MARCHF1: variants seen among roughly 807,000 people sequenced by gnomAD.
MARCHF1 encodes the protein membrane associated ring-CH-type finger 1.
A neutral mutation model predicts 54.2 loss-of-function variants in MARCHF1; 40 were observed. The observed-to-expected ratio is 0.74, with a 90% CI of 0.57 to 0.96. MARCHF1 has a LOEUF of 0.96. Ranked by LOEUF, MARCHF1 falls within the 40% of genes least tolerant of loss-of-function variation. The probability of loss-of-function intolerance (pLI) is 0.00; values close to 1 mark genes in which losing one functional copy is unlikely to be tolerated. For synonymous variants in MARCHF1, 236 were observed against 236.3 expected (o/e 1.00, Z 0.01); for missense variants, 586 against 656.5 (o/e 0.89, Z 1.17).
intron 3 of MARCHF1, among the ~76,000 whole-genome samples, chr4:163,955,349 A>G (rs1265836203): frequency 4.0e-5 from 3 of 75,628 alleles, no homozygotes; most frequent in African/African-American, 1.9e-4. Context: ...CTTTGAGGGA[A>G]AAAAAAAACA....
chr4:163,919,348 G>T (rs1216445717), intron 3 of MARCHF1, among the ~76,000 whole-genome samples: 2 of 151,728 alleles, frequency 1.3e-5, no homozygotes, highest in African/African-American at 4.8e-5. Context: ...ACAGGAAAAT[G>T]AATACAAATA....
intron 5 of MARCHF1, among the ~76,000 whole-genome samples, chr4:163,678,221 A>G (rs1030035274): frequency 2.6e-5 from 4 of 152,138 alleles, no homozygotes; most frequent in African/African-American, 7.2e-5. Context: ...CTTCATTTTG[A>G]TTATGATGAC....
At chr4:163,636,483 C>T (rs1386274409) in intron 5 of MARCHF1, among the ~76,000 whole-genome samples, 1 of 147,436 alleles carries the variant, frequency 6.8e-6, no homozygotes, top group Admixed American at 6.8e-5. Flanking sequence ...CATGAGTGAA[C>T]TCCCATTCAC....
chr4:164,036,110 AAAAAAACAAAAAAC>A (rs1193627895), intron 2 of MARCHF1, among the ~76,000 whole-genome samples: 3 of 136,904 alleles, frequency 2.2e-5, no homozygotes, highest in African/African-American at 6.1e-5. Context: ...CTCAAAAAAA[AAAAAAACAAAAAAC>A]AAAAAACAAA....
chr4:164,011,615 A>T (rs553290679), intron 2 of MARCHF1, among the ~76,000 whole-genome samples: 72 of 152,348 alleles, frequency 4.7e-4, no homozygotes, highest in Non-Finnish European at 8.5e-4. Context: ...TCAAAGAAAC[A>T]GTTAATAACA....
At chr4:163,951,838 A>C (rs1437517647) in intron 3 of MARCHF1, among the ~76,000 whole-genome samples, 2 of 152,190 alleles carry the variant, frequency 1.3e-5, no homozygotes, top group East Asian at 1.9e-4. Flanking sequence ...TAAGCTATAT[A>C]TGAAGGTACC....
At chr4:163,738,545 G>A (rs145356643) in intron 4 of MARCHF1, among the ~76,000 whole-genome samples, 37 of 152,262 alleles carry the variant, frequency 2.4e-4, no homozygotes, top group African/African-American at 8.7e-4. Context: ...CAGCCACCTG[G>A]TACATTCATA....
At position 163,844,450 on chromosome 4, in the gene MARCHF1, G is replaced by T. The variant is rs140617152; in HGVS notation, c.111+9571C>A. Among the ~76,000 whole-genome samples the T allele has an allele frequency of 2.5e-3, 385 of 152,080 alleles. 2 individuals carry two copies. The highest frequency in any genetic ancestry group is 8.7e-3 in the African/African-American group (363 of 41,498). ...AATTTGCTCCCACTGAACAATTTTT[G>T]TTTTTGTTGCAACTGCTTTTTGGGA... On this transcript the variant is annotated intron_variant, in intron 4 of 9. Transcript: ENST00000514618.
chr4:163,538,140 C>A (rs1053073347), intron 9 of MARCHF1, among the ~76,000 whole-genome samples: 1 of 152,014 alleles, frequency 6.6e-6, no homozygotes, highest in Non-Finnish European at 1.5e-5. Flanking sequence ...ATTTAAAGAG[C>A]GAGTGAAAAC....
Position 163,733,207 on chromosome 4 carries a change from A to G in MARCHF1, c.112-32344T>C, listed in dbSNP as rs1345314932. Among the ~76,000 whole-genome samples the G allele has an allele frequency of 1.3e-3, 25 of 19,226 alleles. 1 individual carries two copies. The East Asian group carries it at 0.014, about 10-fold the overall frequency. The allele number at this position is 19,226 out of a possible 152,430, so 12.6% of individuals were successfully genotyped here. On this transcript the variant is annotated intron_variant, in intron 4 of 9. Transcript: ENST00000514618. ...TATATATATATATATATATATATAT[A>G]TATATATATATATACACGTGTATAT...
In MARCHF1 at chr4:163,711,882, C is replaced by T. The variant is rs145968295; in HGVS notation, c.112-11019G>A. On this transcript the variant is annotated intron_variant, in intron 4 of 9. Coordinates refer to ENST00000514618, the MANE Select transcript of MARCHF1 (RefSeq NM_001394959.1). Reference sequence around the variant, plus strand: ...ATGCTATCTGTTTCTTTCTAGACCCCGATGGATAAAAGTCATCTTTAGTAT... The same window carrying T: ...ATGCTATCTGTTTCTTTCTAGACCCTGATGGATAAAAGTCATCTTTAGTAT... 8.9e-3 allele frequency among the ~76,000 whole-genome samples: 1,350 copies of T among 152,216 alleles called. 21 individuals carry two copies. Among genetic ancestry groups the T allele is most frequent in the African/African-American group, 0.03 (1,252 of 41,520 alleles).
chr4:163,746,481 T>G (rs561570718), intron 4 of MARCHF1, among the ~76,000 whole-genome samples: 2 of 151,200 alleles, frequency 1.3e-5, no homozygotes, highest in East Asian at 2.0e-4. Flanking sequence ...ATGTGCAGGG[T>G]TTTTTTTTGT....
intron 8 of MARCHF1, among the ~76,000 whole-genome samples, chr4:163,547,922 C>T (rs1315670731): frequency 6.6e-6 from 1 of 152,056 alleles, no homozygotes; most frequent in Non-Finnish European, 1.5e-5. Flanking sequence ...TGTTTTTTAT[C>T]AAACTATATT....
intron 3 of MARCHF1, among the ~76,000 whole-genome samples, chr4:163,909,452 C>T (rs1751143367): frequency 6.6e-6 from 1 of 152,130 alleles, no homozygotes; most frequent in South Asian, 2.1e-4. Context: ...ATTATAATTA[C>T]CATGTAATGC....
At chr4:164,213,890 AATTAT>A (rs764885544) in intron 1 of MARCHF1, among the ~76,000 whole-genome samples, 3 of 152,056 alleles carry the variant, frequency 2.0e-5, no homozygotes, top group African/African-American at 7.2e-5. Flanking sequence ...CTTAATAAGA[AATTAT>A]ATTATACATT....
chr4:163,710,637 G>C (rs1377337995), intron 4 of MARCHF1, among the ~76,000 whole-genome samples: 1 of 151,862 alleles, frequency 6.6e-6, no homozygotes, highest in Non-Finnish European at 1.5e-5. Context: ...TTTTTTTTAA[G>C]TTTACACACT....
At chr4:163,561,610 T>C (rs1466985306) in intron 8 of MARCHF1, among the ~76,000 whole-genome samples, 7 of 152,130 alleles carry the variant, frequency 4.6e-5, no homozygotes, top group Admixed American at 4.6e-4. Flanking sequence ...GAGGATAAAA[T>C]TGGTATCAGC....
chr4:164,369,067 G>A (rs1280747025), intron 1 of MARCHF1, among the ~76,000 whole-genome samples: 2 of 60,244 alleles, frequency 3.3e-5, no homozygotes, highest in African/African-American at 8.7e-5. Flanking sequence ...ATGACTGAAC[G>A]TTTATATCAG....
chr4:164,206,548 T>G (rs932714169), intron 1 of MARCHF1, among the ~76,000 whole-genome samples: 1 of 152,186 alleles, frequency 6.6e-6, no homozygotes, highest in Non-Finnish European at 1.5e-5. Flanking sequence ...ACTTGTTCAT[T>G]AAAACACAAA....
Sources: gnomAD v4.1 joint callset for allele counts (sites outside exome capture counted in the v4.1 genomes callset) on GRCh38, gnomAD v4.1.1 for gene constraint, MANE v1.5 for transcripts, NCBI Gene and HGNC (gene_info 2026-07-23, HGNC 2026-07-21) for gene names.